The following DCDC1 variants were observed in gnomAD, a reference collection of about 807,000 sequenced individuals.
DCDC1 encodes the protein doublecortin domain-containing protein 1.
In DCDC1, 200 loss-of-function variants were observed where a neutral mutation model predicts 178.3. The observed-to-expected ratio is 1.12, with a 90% CI of 1.00 to 1.26. The LOEUF is 1.26. DCDC1 is among the 50% of genes most tolerant of loss of function. The probability of loss-of-function intolerance (pLI) is 0.00; values close to 1 mark genes in which losing one functional copy is unlikely to be tolerated. For synonymous variants in DCDC1, 690 were observed against 604.8 expected, an observed-to-expected ratio of 1.14 and a Z score of -2.07; for missense variants, 1,983 against 1,749.2, an observed-to-expected ratio of 1.13 and a Z score of -2.38.
At chr11:31,029,375 A>G (rs1953467900) in intron 20 of DCDC1, among the ~76,000 whole-genome samples, 1 of 152,116 alleles carries the variant, frequency 6.6e-6, no homozygotes, top group African/African-American at 2.4e-5. Flanking sequence ...TTTCTGCTTA[A>G]AATGTTCTGT....
At position 30,939,174 on chromosome 11, in the gene DCDC1, G is replaced by A. The variant is rs145090594; in HGVS notation, c.2716-7222C>T. Among the ~76,000 whole-genome samples, 19 of 152,212 alleles carry A rather than the reference G, an allele frequency of 1.2e-4. No homozygotes were observed. In the East Asian group the frequency reaches 1.9e-3, roughly 16 times the overall value. On this transcript the variant is annotated intron_variant, in intron 21 of 38. Transcript: ENST00000684477. ...TCATGCACGAGGTTGCCTGGTTGCCGCAGGGCTTGCTTTTCTCCCTGTTAC... is the reference window on the plus strand; with the variant it reads ...TCATGCACGAGGTTGCCTGGTTGCCACAGGGCTTGCTTTTCTCCCTGTTAC...
At chr11:31,031,484 C>G (rs1488967716) in intron 20 of DCDC1, among the ~76,000 whole-genome samples, 1 of 151,906 alleles carries the variant, frequency 6.6e-6, no homozygotes, top group Non-Finnish European at 1.5e-5. Context: ...ATTTTTAAAG[C>G]TTTTATAATG....
intron 9 of DCDC1, among the ~76,000 whole-genome samples, chr11:31,189,402 C>T (rs1348800098): frequency 6.6e-6 from 1 of 152,158 alleles, no homozygotes; most frequent in East Asian, 1.9e-4. Context: ...AACTACCATC[C>T]ATCTGTGATC....
intron 8 of DCDC1, among the ~76,000 whole-genome samples, chr11:31,250,302 C>CAA (rs71060481): frequency 1.6e-4 from 23 of 141,514 alleles, no homozygotes; most frequent in East Asian, 1.1e-3. Flanking sequence ...CAAAACAAGG[C>CAA]AAAAAAAAAT....
chr11:31,345,983 T>C (rs1348015111), intron 1 of DCDC1, among the ~76,000 whole-genome samples: 2 of 152,258 alleles, frequency 1.3e-5, no homozygotes, highest in African/African-American at 2.4e-5. Flanking sequence ...ATACTATTGA[T>C]TCACATTAAT....
intron 17 of DCDC1, among the ~76,000 whole-genome samples, chr11:31,082,460 C>T (rs960456306): frequency 6.6e-6 from 1 of 151,936 alleles, no homozygotes; most frequent in African/African-American, 2.4e-5. Context: ...GAATGATCTG[C>T]CCTGGGAAGC....
chr11:31,002,519 T>C (rs1007604195), intron 20 of DCDC1, among the ~76,000 whole-genome samples: 2 of 152,140 alleles, frequency 1.3e-5, no homozygotes, highest in East Asian at 1.9e-4. Context: ...ACAATGATGA[T>C]TCTCGAAGGG....
chr11:30,938,249 T>G (rs1474844542), intron 21 of DCDC1, among the ~76,000 whole-genome samples: 1 of 152,140 alleles, frequency 6.6e-6, no homozygotes. Context: ...TCCTGTTTCC[T>G]TTCTCCCTAA....
intron 21 of DCDC1, among the ~76,000 whole-genome samples, chr11:30,939,108 C>A (rs911485386): frequency 6.6e-6 from 1 of 152,330 alleles, no homozygotes; most frequent in Non-Finnish European, 1.5e-5. Context: ...AAATGCCCAA[C>A]TACCAAGGCA....
At chr11:31,331,235 T>C (rs566326055) in intron 2 of DCDC1, among the ~76,000 whole-genome samples, 35 of 152,228 alleles carry the variant, frequency 2.3e-4, no homozygotes, top group Non-Finnish European at 5.1e-4. Flanking sequence ...TGATTTTGTA[T>C]CCTGAGACTT....
intron 7 of DCDC1, among the ~76,000 whole-genome samples, chr11:31,287,511 C>T (rs1228057562): frequency 1.3e-5 from 2 of 151,682 alleles, no homozygotes; most frequent in Non-Finnish European, 1.5e-5. Flanking sequence ...GAGTATCCAG[C>T]ACATCTTGAA....
chr11:31,134,070 T>G (rs919684232), intron 10 of DCDC1, among the ~76,000 whole-genome samples: 6 of 152,168 alleles, frequency 3.9e-5, no homozygotes, highest in Non-Finnish European at 8.8e-5. Flanking sequence ...TGGAGGTAGA[T>G]CTAACCTATT....
intron 9 of DCDC1, among the ~76,000 whole-genome samples, chr11:31,213,838 A>T (rs983402639): frequency 2.0e-5 from 3 of 151,582 alleles, no homozygotes; most frequent in Non-Finnish European, 2.9e-5. Context: ...TTACTTGTTT[A>T]AAAAAGGGAG....
chr11:31,215,944 A>G (rs1384030727), intron 9 of DCDC1, among the ~76,000 whole-genome samples: 1 of 151,400 alleles, frequency 6.6e-6, no homozygotes, highest in East Asian at 2.0e-4. Flanking sequence ...ATTCTTATTT[A>G]TGGCTGCCCA....
At chr11:31,217,831 G>A (rs1973771504) in intron 9 of DCDC1, among the ~76,000 whole-genome samples, 2 of 151,922 alleles carry the variant, frequency 1.3e-5, no homozygotes, top group South Asian at 4.2e-4. Flanking sequence ...CATTTTTATA[G>A]AATTGTCAGA....
chr11:31,266,504 T>A (rs1397493646), intron 7 of DCDC1, among the ~76,000 whole-genome samples: 1 of 152,214 alleles, frequency 6.6e-6, no homozygotes, highest in African/African-American at 2.4e-5. Context: ...CATATTCATC[T>A]AAAAATATAA....
intron 11 of DCDC1, among the ~76,000 whole-genome samples, chr11:31,112,569 G>A (rs1190876744): frequency 6.6e-6 from 1 of 152,158 alleles, no homozygotes; most frequent in Non-Finnish European, 1.5e-5. Flanking sequence ...GCCAGCTGAG[G>A]CTAGCCTTGG....
At chr11:30,890,179 T>G (rs1399912342) in intron 36 of DCDC1, among the ~76,000 whole-genome samples, 1 of 152,212 alleles carries the variant, frequency 6.6e-6, no homozygotes, top group Non-Finnish European at 1.5e-5. Context: ...CAACTTCTGT[T>G]GTTTCTGCTG....
At chr11:31,111,715 TA>T (rs963196295) in intron 11 of DCDC1, among the ~76,000 whole-genome samples, 6 of 152,214 alleles carry the variant, frequency 3.9e-5, no homozygotes, top group African/African-American at 1.4e-4. Context: ...ACAAAACTCT[TA>T]AGCAACAGAG....
Sources: gnomAD v4.1 joint callset for allele counts (sites outside exome capture counted in the v4.1 genomes callset) on GRCh38, gnomAD v4.1.1 for gene constraint, MANE v1.5 for transcripts, NCBI Gene and HGNC (gene_info 2026-07-23, HGNC 2026-07-21) for gene names.